The following PCBP3 variants were observed in gnomAD, a reference collection of about 807,000 sequenced individuals.
PCBP3 encodes poly(rC)-binding protein 3.
Under a neutral mutation model 52.7 loss-of-function variants are expected in PCBP3, and 25 were observed. That is an observed-to-expected ratio of 0.47 (90% CI 0.35 to 0.66). The LOEUF is 0.66. PCBP3 is among the 30% of genes least tolerant of loss of function. The pLI, the probability that PCBP3 is intolerant of heterozygous loss-of-function variation, is 0.01. For missense variants in PCBP3, 391 were observed against 490.3 expected (o/e 0.80, Z 1.91); for synonymous variants, 162 against 183.0 (o/e 0.89, Z 0.93).
In PCBP3 at chr21:45,873,706, A is replaced by G. The variant is rs752272957; in HGVS notation, c.11-22502A>G. On this transcript the variant is annotated intron_variant, in intron 5 of 17. Transcript: ENST00000681687. ...TACTGAAAGGCCTTCCGCTCTGCCC[A>G]TGTCTGTGCGCACCTGTTTTTCATG... Among the ~76,000 whole-genome samples the G allele has an allele frequency of 4.6e-5, 7 of 152,260 alleles. No homozygotes were observed. The South Asian group carries it at 8.3e-4, about 18-fold the overall frequency.
chr21:45,738,348 G>A (rs999644358), intron 3 of PCBP3, among the ~76,000 whole-genome samples: 11 of 147,144 alleles, frequency 7.5e-5, no homozygotes, highest in Non-Finnish European at 1.0e-4. Context: ...TCCGCCTCCC[G>A]GGTTCACGCC....
At chr21:45,745,851 G>A (rs1369470121) in intron 3 of PCBP3, among the ~76,000 whole-genome samples, 7 of 152,268 alleles carry the variant, frequency 4.6e-5, no homozygotes, top group African/African-American at 1.4e-4. Flanking sequence ...AGAGTGAGGC[G>A]CACTTGCAAG....
chr21:45,770,931 G>A (rs1254401816), intron 4 of PCBP3, among the ~76,000 whole-genome samples: 2 of 152,272 alleles, frequency 1.3e-5, no homozygotes, highest in Non-Finnish European at 2.9e-5. Flanking sequence ...CGTCACATGG[G>A]AGCTTGCGGA....
chr21:45,695,705 T>G (rs1459872260), intron 2 of PCBP3, among the ~76,000 whole-genome samples: 2 of 152,204 alleles, frequency 1.3e-5, no homozygotes, highest in African/African-American at 4.8e-5. Context: ...ACTTCTGTAA[T>G]TATTGTCTCC....
intron 1 of PCBP3, among the ~76,000 whole-genome samples, chr21:45,646,289 T>A (rs1210800681): frequency 2.0e-5 from 3 of 152,110 alleles, no homozygotes; most frequent in East Asian, 1.9e-4. Flanking sequence ...TTCTTCTTTT[T>A]AAGGAGGATA....
intron 1 of PCBP3, among the ~76,000 whole-genome samples, chr21:45,647,742 G>A (rs976591691): frequency 3.3e-5 from 5 of 152,134 alleles, no homozygotes; most frequent in African/African-American, 1.2e-4. Context: ...AGATGGAGGG[G>A]GGTGAAAGTG....
intron 4 of PCBP3, among the ~76,000 whole-genome samples, chr21:45,765,007 C>T (rs745639098): frequency 1.3e-5 from 2 of 152,124 alleles, no homozygotes; most frequent in Admixed American, 6.5e-5. Context: ...CAGCCTGTGG[C>T]GAGACGTGGA....
At chr21:45,916,251 C>T (rs1204128942) in intron 12 of PCBP3, 3 of 152,310 alleles carry the variant, frequency 2.0e-5, no homozygotes, top group Non-Finnish European at 4.4e-5. Context: ...CGGCTCCCAG[C>T]ATGAGTTCCA....
Position 45,896,307 on chromosome 21 carries a change from T to C in PCBP3, c.110T>C (p.Val37Ala). Residue 37 changes from valine to alanine, a missense_variant, in exon 6 of 18, where the codon GTC (valine) becomes GCC (alanine). Physicochemically the swap from Val to Ala is moderately conservative, Grantham distance 64. Coordinates refer to ENST00000681687, the MANE Select transcript of PCBP3 (RefSeq NM_001384156.1). ...PQFGRRMESK[V>A]SEGGLNVTLT... ...TTTGGCAGAAGGATGGAGTCCAAGG[T>C]CTCAGAAGGTGGCCTGAATGTGACC... 1 of 1,552,150 alleles carries C rather than the reference T, an allele frequency of 6.4e-7. No homozygotes were observed.
chr21:45,909,778 GCCCAGATACGGACCCCCCCCCCA>G (rs2096299370), intron 10 of PCBP3, among the ~76,000 whole-genome samples: 2 of 21,660 alleles, frequency 9.2e-5, no homozygotes, highest in East Asian at 9.7e-4. Flanking sequence ...CCCACCCACT[GCCCAGATACGGACCCCCCCCCCA>G]CCCACTGCCC....
chr21:45,856,678 T>TC, intron 5 of PCBP3, among the ~76,000 whole-genome samples: 1 of 151,706 alleles, frequency 6.6e-6, no homozygotes, highest in South Asian at 2.1e-4. Context: ...AAGAAAAAAG[T>TC]CCAACTCTGT....
chr21:45,863,787 G>A (rs140744728), intron 5 of PCBP3, among the ~76,000 whole-genome samples: 5 of 152,324 alleles, frequency 3.3e-5, no homozygotes, highest in Admixed American at 6.5e-5. Flanking sequence ...CTGGGTGAGC[G>A]GTCCGCGGGC....
At chr21:45,661,302 C>T (rs921121682) in intron 1 of PCBP3, among the ~76,000 whole-genome samples, 12 of 152,142 alleles carry the variant, frequency 7.9e-5, no homozygotes, top group Admixed American at 1.3e-4. Flanking sequence ...TCCCCACCCC[C>T]TCTCACCCTC....
At chr21:45,939,351 C>T (rs2077208873) in intron 16 of PCBP3, among the ~76,000 whole-genome samples, 1 of 152,236 alleles carries the variant, frequency 6.6e-6, no homozygotes, top group African/African-American at 2.4e-5. Context: ...ATGGCTGCCC[C>T]ATAGGCCCCG....
At chr21:45,926,454 G>A (rs183069491) in intron 13 of PCBP3, among the ~76,000 whole-genome samples, 60 of 152,320 alleles carry the variant, frequency 3.9e-4, no homozygotes, top group Middle Eastern at 3.4e-3. Context: ...GGCAGGTCCC[G>A]CAGGAGGTGT....
chr21:45,787,093 A>G (rs1223596044), intron 4 of PCBP3, among the ~76,000 whole-genome samples: 1 of 152,248 alleles, frequency 6.6e-6, no homozygotes, highest in Non-Finnish European at 1.5e-5. Flanking sequence ...GGTAAATACT[A>G]GGTATATTGT....
At chr21:45,701,498 T>C (rs2083123521) in intron 2 of PCBP3, among the ~76,000 whole-genome samples, 1 of 152,220 alleles carries the variant, frequency 6.6e-6, no homozygotes, top group African/African-American at 2.4e-5. Flanking sequence ...ATTCAGAAAT[T>C]CATTTACAAT....
intron 4 of PCBP3, among the ~76,000 whole-genome samples, chr21:45,819,687 G>T (rs2093071037): frequency 6.6e-6 from 1 of 152,236 alleles, no homozygotes; most frequent in Non-Finnish European, 1.5e-5. Context: ...GAAGGCTCCT[G>T]GGGACTGTAC....
chr21:45,917,779 C>A lies in PCBP3; in HGVS notation c.717+150C>A. The A allele has an allele frequency of 1.4e-6, 1 of 720,782 alleles. No homozygotes were observed. The highest frequency in any genetic ancestry group is 2.5e-6 in the Non-Finnish European group (1 of 398,794). 44.6% of individuals were successfully genotyped at this position (720,782 alleles called of 1,614,324 possible). A position where few individuals can be genotyped will look rare whatever the true frequency, so the allele number is the denominator to read the frequency against. On this transcript the variant is annotated intron_variant, in intron 13 of 17. Transcript: ENST00000681687. The surrounding 1 kb of genome is among the most constrained non-coding windows in gnomAD (Gnocchi z 5.3). ...CCTGACCTGTGTCGTATCCATATGA[C>A]CTCGAATAACCTTTTAACCTCTTAG...
Sources: allele counts gnomAD v4.1 joint callset (sites outside exome capture counted in the v4.1 genomes callset), GRCh38; gene constraint gnomAD v4.1.1; non-coding constraint Gnocchi (gnomAD v3.1); transcripts MANE v1.5; gene names NCBI Gene and HGNC (gene_info 2026-07-23, HGNC 2026-07-21).